The following SLC24A2 variants were observed in gnomAD, a reference collection of about 807,000 sequenced individuals.
SLC24A2 encodes the protein solute carrier family 24 member 2.
Under a neutral mutation model 62.0 loss-of-function variants are expected in SLC24A2, and 36 were observed. The observed-to-expected ratio is 0.58, with a 90% CI of 0.44 to 0.77. The LOEUF (loss-of-function observed/expected upper bound fraction) is 0.77. Among genes scored for constraint, SLC24A2 ranks in the 30% least tolerant of loss-of-function variants. SLC24A2 has a pLI of 0.00. For synonymous variants in SLC24A2, 358 were observed against 294.0 expected, an observed-to-expected ratio of 1.22 and a Z score of -2.23; for missense variants, 846 against 817.9, an observed-to-expected ratio of 1.03 and a Z score of -0.42.
chr9:20,163,965 T>G, the SLC24A2 span, among the ~76,000 whole-genome samples: 1 of 152,130 alleles, frequency 6.6e-6, no homozygotes, highest in East Asian at 1.9e-4. Context: ...TCCTTATATC[T>G]TATACAAAAA....
chr9:20,236,085 C>A, the SLC24A2 span, among the ~76,000 whole-genome samples: 2 of 152,182 alleles, frequency 1.3e-5, no homozygotes, highest in African/African-American at 2.4e-5. Flanking sequence ...TAGAACCCAG[C>A]ACAGCAAATG....
At chr9:19,619,769 T>C (rs768681521) in intron 3 of SLC24A2, 77 bp from the exon 4 acceptor site, 50 of 1,071,514 alleles carry the variant, frequency 4.7e-5, no homozygotes, top group Admixed American at 3.1e-4. Flanking sequence ...CCTCACCTAG[T>C]CTGGTGGCCA....
the SLC24A2 span, among the ~76,000 whole-genome samples, chr9:20,260,686 A>C: frequency 6.6e-6 from 1 of 151,882 alleles, no homozygotes; most frequent in Non-Finnish European, 1.5e-5. Context: ...TGTGGAGAAC[A>C]GGTGGTGTTT....
At chr9:19,945,012 T>C in the SLC24A2 span, among the ~76,000 whole-genome samples, 3 of 152,292 alleles carry the variant, frequency 2.0e-5, no homozygotes, top group East Asian at 5.8e-4. Context: ...CTTTTGTGCA[T>C]ACAGAGTGGT....
chr9:19,874,200 C>T, the SLC24A2 span, among the ~76,000 whole-genome samples: 2 of 151,572 alleles, frequency 1.3e-5, no homozygotes, highest in Non-Finnish European at 2.9e-5. Flanking sequence ...TTGCCTCAGC[C>T]TCCTGAGTAG....
intron 2 of SLC24A2, among the ~76,000 whole-genome samples, chr9:19,649,954 G>A (rs1047423467): frequency 6.6e-6 from 1 of 152,212 alleles, no homozygotes; most frequent in Non-Finnish European, 1.5e-5. Context: ...AAGTCTCATG[G>A]CCAAGGAGCA....
the SLC24A2 span, among the ~76,000 whole-genome samples, chr9:20,006,766 G>A: frequency 2.0e-5 from 3 of 152,106 alleles, no homozygotes; most frequent in African/African-American, 7.2e-5. Flanking sequence ...AGTCTATACA[G>A]TATCAAGAAA....
chr9:19,671,948 G>T (rs1819430519), intron 2 of SLC24A2, among the ~76,000 whole-genome samples: 1 of 145,848 alleles, frequency 6.9e-6, no homozygotes. Flanking sequence ...TTTTGGGTTT[G>T]GTTAGCTAGT....
At chr9:20,159,930 C>G in the SLC24A2 span, among the ~76,000 whole-genome samples, 1 of 151,380 alleles carries the variant, frequency 6.6e-6, no homozygotes, top group Non-Finnish European at 1.5e-5. Flanking sequence ...AACAATATGA[C>G]AATTGATACA....
chr9:20,165,274 A>T, the SLC24A2 span, among the ~76,000 whole-genome samples: 1 of 151,962 alleles, frequency 6.6e-6, no homozygotes, highest in African/African-American at 2.4e-5. Context: ...TAAAAATGCT[A>T]CAAATTTTTT....
the SLC24A2 span, among the ~76,000 whole-genome samples, chr9:20,097,011 C>T: frequency 1.3e-5 from 2 of 152,188 alleles, no homozygotes; most frequent in Non-Finnish European, 2.9e-5. Flanking sequence ...GAAGTAACTT[C>T]TCTTTTCCCT....
intron 4 of SLC24A2, among the ~76,000 whole-genome samples, chr9:19,608,185 G>T (rs982547870): frequency 1.3e-5 from 2 of 152,148 alleles, no homozygotes; most frequent in South Asian, 4.1e-4. Flanking sequence ...AGTATAAGCT[G>T]ATCTAAAATT....
chr9:19,817,822 T>A, the SLC24A2 span, among the ~76,000 whole-genome samples: 1 of 152,112 alleles, frequency 6.6e-6, no homozygotes, highest in Non-Finnish European at 1.5e-5. Flanking sequence ...CTCTCACTCC[T>A]GAGTTCAAGG....
chr9:20,002,127 C>T, the SLC24A2 span, among the ~76,000 whole-genome samples: 1 of 152,114 alleles, frequency 6.6e-6, no homozygotes. Flanking sequence ...TTAGTACCAC[C>T]ACCTCTGGTG....
chr9:20,042,430 A>G, the SLC24A2 span, among the ~76,000 whole-genome samples: 1 of 152,216 alleles, frequency 6.6e-6, no homozygotes, highest in Non-Finnish European at 1.5e-5. Flanking sequence ...TTTAGAGCTG[A>G]CAGCTTGATT....
chr9:19,563,160 T>G (rs1016403503), intron 7 of SLC24A2, among the ~76,000 whole-genome samples: 2 of 138,836 alleles, frequency 1.4e-5, no homozygotes, highest in African/African-American at 2.5e-5. Context: ...TCTTATTTCT[T>G]TCACTATTCA....
intron 2 of SLC24A2, among the ~76,000 whole-genome samples, chr9:19,780,966 AT>A (rs1451647470): frequency 6.6e-6 from 1 of 152,058 alleles, no homozygotes; most frequent in Non-Finnish European, 1.5e-5. Flanking sequence ...GCAAGAAAAA[AT>A]TCTAAAAAGA....
At chr9:19,755,128 C>T (rs934775669) in intron 2 of SLC24A2, among the ~76,000 whole-genome samples, 6 of 152,116 alleles carry the variant, frequency 3.9e-5, no homozygotes, top group East Asian at 1.9e-4. Context: ...ATCCTGGTCC[C>T]GCCTCTAGCT....
chr9:19,933,046 G>A, the SLC24A2 span, among the ~76,000 whole-genome samples: 2 of 152,240 alleles, frequency 1.3e-5, no homozygotes, highest in East Asian at 3.8e-4. Flanking sequence ...GGGGCAGGAG[G>A]TGGGGGCTGC....
Sources: allele counts gnomAD v4.1 joint callset (sites outside exome capture counted in the v4.1 genomes callset), GRCh38; gene constraint gnomAD v4.1.1; transcripts MANE v1.5; gene names NCBI Gene and HGNC (gene_info 2026-07-23, HGNC 2026-07-21).